CENPT: variants seen among roughly 807,000 people sequenced by gnomAD.
CENPT encodes interphase centromere complex protein 22.
A neutral mutation model predicts 59.7 loss-of-function variants in CENPT; 42 were observed. That is an observed-to-expected ratio of 0.70 (90% CI 0.55 to 0.91). CENPT has a LOEUF of 0.91. CENPT is among the 40% of genes least tolerant of loss of function. The probability of loss-of-function intolerance (pLI) is 0.00; values close to 1 mark genes in which losing one functional copy is unlikely to be tolerated. For synonymous variants in CENPT, 295 were observed against 289.6 expected, an observed-to-expected ratio of 1.02 and a Z score of -0.19; for missense variants, 716 against 713.4, an observed-to-expected ratio of 1.00 and a Z score of -0.04.
At chr16:67,835,118 G>A (rs2057726784) in intron 3 of CENPT, 54 bp downstream of exon 3, 1 of 152,190 alleles carries the variant, frequency 6.6e-6, no homozygotes, top group Admixed American at 6.6e-5. Flanking sequence ...TGGGATTACA[G>A]GTGTGAGCCA....
chr16:67,846,913 G>C (rs1460885535), intron 1 of CENPT: 1 of 152,464 alleles, frequency 6.6e-6, no homozygotes, highest in Non-Finnish European at 1.5e-5. Flanking sequence ...AGGAAGGCAG[G>C]GGGGAAGGGA....
Position 67,837,695 on chromosome 16 carries a change from G to A in CENPT, c.-491-2037C>T, listed in dbSNP as rs528111612. On this transcript the variant is annotated intron_variant, in intron 1 of 15. Coordinates refer to ENST00000562787, the MANE Select transcript of CENPT (RefSeq NM_025082.4). ...AGCCTGGGCGACAGAGTGAGACTCC[G>A]TCTCAAAAACAAACAAACAAACAAA... Among the ~76,000 whole-genome samples, 9 of 152,006 alleles carry A rather than the reference G, an allele frequency of 5.9e-5. No homozygotes were observed. In the East Asian group the frequency reaches 7.7e-4, roughly 13 times the overall value.
chr16:67,828,988 G>A (rs2057646343), intron 13 of CENPT, 145 bp from the exon 14 acceptor site: 4 of 753,986 alleles, frequency 5.3e-6, no homozygotes, highest in Non-Finnish European at 6.2e-6. Context: ...CTGCTGAGGG[G>A]CAGTTGGGTC....
Position 67,831,292 on chromosome 16 carries a change from G to A in CENPT, c.627C>T (p.Arg209=), listed in dbSNP as rs775204811. The A allele has an allele frequency of 5.6e-6, 9 of 1,614,074 alleles. No individual in the cohort carries two copies. The African/African-American group carries it at 1.2e-4, about 22-fold the overall frequency. The change falls in exon 10 of 16, where the codon CGC becomes CGT. Residue 209 remains arginine, a synonymous_variant. Transcript: ENST00000562787. ...PQSVQRPGLA[R]RPPARRAVDV... ...CTACAGCTCGGCGGGCTGGAGGTCT[G>A]CGGGCCAAGCCAGGCCTCTGCACTG...
chr16:67,831,430 G>A, intron 9 of CENPT, 72 bp from the exon 10 acceptor site: 1 of 1,578,666 alleles, frequency 6.3e-7, no homozygotes. Context: ...CCCTCCATCT[G>A]CCCTGGGGCT....
chr16:67,832,227 C>A lies in CENPT; in HGVS notation c.289+1G>T, dbSNP rs757264811. The A allele has an allele frequency of 1.9e-6, 3 of 1,614,104 alleles. No individual in the cohort carries two copies. The highest frequency in any genetic ancestry group is 2.2e-5 in the East Asian group (1 of 44,880). On this transcript the variant is annotated splice_donor_variant, in intron 6 of 15. Coordinates refer to ENST00000562787, the MANE Select transcript of CENPT (RefSeq NM_025082.4). LOFTEE classifies it high-confidence loss of function. ...TGACCGGCAGGCCAGCGCTCACTTA[C>A]CAGTTAGTAGGATGTTCTTCAGCAG...
rs1019185785 is a variant in CENPT at position 67,847,501 on chromosome 16, C to T, written c.-592G>A. The stretch of plus-strand genomic sequence containing the variant: ...GCAGCCGGGGCTTGGGCCCCTCACC[C>T]TGTTCCCGACCATAGCCCGGCCGGG... On this transcript the variant is annotated 5_prime_UTR_variant, in exon 1 of 16. Coordinates refer to ENST00000562787, the MANE Select transcript of CENPT (RefSeq NM_025082.4). The T allele has an allele frequency of 6.6e-6, 1 of 152,384 alleles. No homozygotes were observed. Among genetic ancestry groups the T allele is most frequent in the Non-Finnish European group, 1.5e-5 (1 of 68,140 alleles). The allele number at this position is 152,384 out of a possible 1,614,324, so 9.4% of individuals were successfully genotyped here. A position where few individuals can be genotyped will look rare whatever the true frequency, so the allele number is the denominator to read the frequency against.
chr16:67,839,449 A>G (rs1042947078), intron 1 of CENPT, among the ~76,000 whole-genome samples: 1 of 151,828 alleles, frequency 6.6e-6, no homozygotes, highest in Admixed American at 6.6e-5. Context: ...AATCCCAGTT[A>G]CCTGGGAGGC....
intron 1 of CENPT, chr16:67,847,050 G>A (rs2057806249): frequency 6.6e-6 from 1 of 151,504 alleles, no homozygotes; most frequent in African/African-American, 2.4e-5. Context: ...CTGGGCTGCC[G>A]GGAGGCTCCG....
intron 1 of CENPT, among the ~76,000 whole-genome samples, chr16:67,838,515 G>A (rs775327676): frequency 2.0e-5 from 3 of 152,124 alleles, no homozygotes; most frequent in East Asian, 1.9e-4. Flanking sequence ...CCAGCTACTC[G>A]GGAGGCTGAG....
intron 4 of CENPT, 40 bp downstream of exon 4, chr16:67,833,710 C>A: frequency 7.9e-7 from 1 of 1,268,372 alleles, no homozygotes; most frequent in Middle Eastern, 1.9e-4. Context: ...CTCCCCGGTC[C>A]CTCTAGTTGC....
At position 67,843,479 on chromosome 16, in the gene CENPT, C is replaced by T. The variant is rs2057778817; in HGVS notation, c.-492+3922G>A. On this transcript the variant is annotated intron_variant, in intron 1 of 15. Transcript: ENST00000562787. The surrounding 1 kb of genome is among the most constrained non-coding windows in gnomAD (Gnocchi z 5.7). ...TCGGCTGCTTGCCATGGCTGTCATC[C>T]GCAAGAAGCACGGAATGTGAACTGG... The T allele has an allele frequency of 5.6e-6, 9 of 1,611,134 alleles. No homozygotes were observed. The highest frequency in any genetic ancestry group is 7.6e-6 in the Non-Finnish European group (9 of 1,178,460).
At chr16:67,840,005 A>G (rs2057751893) in intron 1 of CENPT, among the ~76,000 whole-genome samples, 1 of 151,994 alleles carries the variant, frequency 6.6e-6, no homozygotes, top group Non-Finnish European at 1.5e-5. Context: ...TTTATGTCCA[A>G]TAATATAATT....
At position 67,842,973 on chromosome 16, in the gene CENPT, C is replaced by G. The variant is rs747690176; in HGVS notation, c.-492+4428G>C. The G allele has an allele frequency of 1.9e-6, 3 of 1,609,696 alleles. No individual in the cohort carries two copies. In the East Asian group the frequency reaches 6.7e-5, roughly 36 times the overall value. ...CAGTCCTCACCCTCTGCCTCCACTG[C>G]CCAGACTGCCCAGCTGCAGCCGAAC... On this transcript the variant is annotated intron_variant, in intron 1 of 15. Coordinates refer to ENST00000562787, the MANE Select transcript of CENPT (RefSeq NM_025082.4). This position sits in a 1 kb window ranked among gnomAD's most constrained non-coding sequence, Gnocchi z 4.9.
chr16:67,841,887 G>C (rs1329344733), intron 1 of CENPT: 1 of 152,390 alleles, frequency 6.6e-6, no homozygotes, highest in East Asian at 1.9e-4. Flanking sequence ...CTCGGGGCTG[G>C]GGAACTGGTT....
chr16:67,830,118 A>G lies in CENPT; in HGVS notation c.863-30T>C, dbSNP rs764941419. Reference sequence around the variant, plus strand: ...GTGAAGGGGAGAGAATACAGGCCGGAGACGCAGCAGGCCAAGGCTGCATAG... The same window carrying G: ...GTGAAGGGGAGAGAATACAGGCCGGGGACGCAGCAGGCCAAGGCTGCATAG... On this transcript the variant is annotated intron_variant, in intron 11 of 15. Transcript: ENST00000562787. 3 of 1,601,174 alleles carry G rather than the reference A, an allele frequency of 1.9e-6. No individual in the cohort carries two copies. In the East Asian group the frequency reaches 6.7e-5, roughly 36 times the overall value.
Position 67,842,483 on chromosome 16 carries a change from C to A in CENPT, c.-492+4918G>T. The A allele has an allele frequency of 8.3e-7, 1 of 1,204,238 alleles. No individual in the cohort carries two copies. Among genetic ancestry groups the A allele is most frequent in the Non-Finnish European group, 1.0e-6 (1 of 953,494 alleles). 74.6% of individuals were successfully genotyped at this position (1,204,238 alleles called of 1,614,324 possible). A position where few individuals can be genotyped will look rare whatever the true frequency, so the allele number is the denominator to read the frequency against. Reference sequence around the variant, plus strand: ...GCGGCGCCGCCCGTCGAGGGGCGGGCGGCGGCGTAGCCACTGGGCCGTCGA... The same window carrying A: ...GCGGCGCCGCCCGTCGAGGGGCGGGAGGCGGCGTAGCCACTGGGCCGTCGA... On this transcript the variant is annotated intron_variant, in intron 1 of 15. Transcript: ENST00000562787. The surrounding 1 kb of genome is among the most constrained non-coding windows in gnomAD (Gnocchi z 4.9).
At chr16:67,847,008 C>CGGGGCG (rs1458268307) in intron 1 of CENPT, 13 of 151,816 alleles carry the variant, frequency 8.6e-5, no homozygotes, top group African/African-American at 3.1e-4. Context: ...GCCAGCACGC[C>CGGGGCG]GGGGCGGGGG....
chr16:67,844,007 T>C (rs1032217714), intron 1 of CENPT: 1 of 167,442 alleles, frequency 6.0e-6, no homozygotes, highest in Non-Finnish European at 1.5e-5. Flanking sequence ...CTAGGACTTA[T>C]TTTCCCAGGA....
Sources: gnomAD v4.1 joint callset for allele counts (sites outside exome capture counted in the v4.1 genomes callset) on GRCh38, gnomAD v4.1.1 for gene constraint, Gnocchi (gnomAD v3.1) non-coding constraint, MANE v1.5 for transcripts, NCBI Gene and HGNC (gene_info 2026-07-23, HGNC 2026-07-21) for gene names.